Variants in EML5 observed in about 807,000 individuals in gnomAD.
EML5 encodes EMAP like 5.
Under a neutral mutation model 250.0 loss-of-function variants are expected in EML5, and 120 were observed. The ratio of observed to expected loss-of-function variants is 0.48; its 90% CI spans 0.41 to 0.56. The LOEUF is 0.56. EML5 is among the 20% of genes least tolerant of loss of function. The probability of loss-of-function intolerance (pLI) is 0.00; values close to 1 mark genes in which losing one functional copy is unlikely to be tolerated. For missense variants in EML5, 2,006 were observed against 2,437.6 expected, an observed-to-expected ratio of 0.82 and a Z score of 3.73; for synonymous variants, 771 against 806.5, an observed-to-expected ratio of 0.96 and a Z score of 0.75.
At chr14:88,701,199 C>T (rs138609308) in intron 14 of EML5, among the ~76,000 whole-genome samples, 2 of 152,240 alleles carry the variant, frequency 1.3e-5, no homozygotes, top group African/African-American at 4.8e-5. Context: ...TGTCTGGAGA[C>T]ATTTTAGGTT....
intron 21 of EML5, among the ~76,000 whole-genome samples, chr14:88,665,887 T>A (rs1030539700): frequency 2.0e-5 from 3 of 151,778 alleles, no homozygotes; most frequent in African/African-American, 7.3e-5. Context: ...CAGCCTGGGT[T>A]ACAGAGTGAG....
chr14:88,728,715 TG>T (rs2093705984), intron 7 of EML5, among the ~76,000 whole-genome samples: 1 of 152,134 alleles, frequency 6.6e-6, no homozygotes, highest in African/African-American at 2.4e-5. Flanking sequence ...TTCAAACCTG[TG>T]TTGTTCAAGG....
At chr14:88,722,587 G>C (rs1000809321) in intron 8 of EML5, among the ~76,000 whole-genome samples, 17 of 152,088 alleles carry the variant, frequency 1.1e-4, no homozygotes, top group African/African-American at 3.9e-4. Context: ...CACAGGGAGA[G>C]GAAAAACACA....
At chr14:88,683,102 T>A (rs1220225634) in intron 20 of EML5, among the ~76,000 whole-genome samples, 1 of 152,274 alleles carries the variant, frequency 6.6e-6, no homozygotes. Context: ...TTAACTATTC[T>A]TGAATATTTT....
chr14:88,750,940 C>G (rs1318645515), intron 2 of EML5, among the ~76,000 whole-genome samples: 1 of 152,220 alleles, frequency 6.6e-6, no homozygotes, highest in Non-Finnish European at 1.5e-5. Context: ...AGGGGCACTG[C>G]TGTTCTTTCT....
At chr14:88,656,617 TA>T (rs199683965) in intron 27 of EML5, among the ~76,000 whole-genome samples, 1 of 151,722 alleles carries the variant, frequency 6.6e-6, no homozygotes, top group African/African-American at 2.4e-5. Context: ...AAAGTATAAT[TA>T]AAAAAAAGTG....
At chr14:88,632,757 G>C (rs2090509726) in intron 33 of EML5, among the ~76,000 whole-genome samples, 1 of 152,180 alleles carries the variant, frequency 6.6e-6, no homozygotes, top group African/African-American at 2.4e-5. Flanking sequence ...CTGAACACTT[G>C]CTTTCTTCAG....
At chr14:88,731,965 G>A (rs1418655616) in intron 7 of EML5, among the ~76,000 whole-genome samples, 1 of 152,120 alleles carries the variant, frequency 6.6e-6, no homozygotes, top group Non-Finnish European at 1.5e-5. Context: ...CTGGATATCA[G>A]CCCTTTGTCA....
At chr14:88,644,164 T>A (rs1186614619) in intron 30 of EML5, among the ~76,000 whole-genome samples, 1 of 152,182 alleles carries the variant, frequency 6.6e-6, no homozygotes, top group Non-Finnish European at 1.5e-5. Flanking sequence ...AAGCAAAAGA[T>A]CATTCACACA....
intron 1 of EML5, among the ~76,000 whole-genome samples, chr14:88,787,401 C>T (rs1005191528): frequency 1.3e-5 from 2 of 152,152 alleles, no homozygotes; most frequent in African/African-American, 4.8e-5. Flanking sequence ...TTCTTAATAG[C>T]TTCTAATAAT....
intron 5 of EML5, 66 bp downstream of exon 5, chr14:88,740,321 T>G: frequency 7.4e-7 from 1 of 1,353,820 alleles, no homozygotes; most frequent in South Asian, 1.6e-5. Context: ...TATTACGCAG[T>G]CTATCATTCT....
chr14:88,677,351 T>C (rs2092618433), intron 21 of EML5, among the ~76,000 whole-genome samples: 1 of 152,102 alleles, frequency 6.6e-6, no homozygotes, highest in Admixed American at 6.5e-5. Flanking sequence ...ATAAAAACCC[T>C]AGAAGAAAAT....
intron 21 of EML5, among the ~76,000 whole-genome samples, chr14:88,669,168 T>G (rs1035276368): frequency 6.6e-6 from 1 of 152,184 alleles, no homozygotes; most frequent in African/African-American, 2.4e-5. Flanking sequence ...TCTGTGCAAC[T>G]GGTGGATCAG....
intron 29 of EML5, among the ~76,000 whole-genome samples, chr14:88,645,568 T>C (rs1408369662): frequency 6.6e-6 from 1 of 152,212 alleles, no homozygotes; most frequent in African/African-American, 2.4e-5. Context: ...TCCACACTGT[T>C]AGCAACATAA....
intron 31 of EML5, among the ~76,000 whole-genome samples, chr14:88,641,321 G>A (rs2091053489): frequency 6.6e-6 from 1 of 151,802 alleles, no homozygotes. Flanking sequence ...GAAAACTACA[G>A]GCCAATATTC....
intron 1 of EML5, among the ~76,000 whole-genome samples, chr14:88,770,574 G>C (rs1341558444): frequency 6.6e-6 from 1 of 152,076 alleles, no homozygotes; most frequent in Non-Finnish European, 1.5e-5. Flanking sequence ...GATTAATATT[G>C]GATAGGAGCT....
intron 21 of EML5, among the ~76,000 whole-genome samples, chr14:88,678,656 G>T (rs10438197): frequency 0.11 from 16,867 of 152,008 alleles, 1,032 homozygotes; most frequent in African/African-American, 0.14. Context: ...AAAAAAATCT[G>T]ATCTCTGAAT....
chr14:88,630,570 T>C (rs894459693), intron 33 of EML5, among the ~76,000 whole-genome samples: 1 of 152,182 alleles, frequency 6.6e-6, no homozygotes, highest in African/African-American at 2.4e-5. Context: ...GTGATAATAC[T>C]GCCTCCACTC....
Position 88,613,392 on chromosome 14 carries a change from A to C in EML5, c.*2426T>G, listed in dbSNP as rs923502200. 6.6e-6 allele frequency: 1 copy of C among 151,918 alleles called. No homozygotes were observed. The highest frequency in any genetic ancestry group is 2.4e-5 in the African/African-American group (1 of 41,208). The allele number at this position is 151,918 out of a possible 1,614,324, so 9.4% of individuals were successfully genotyped here. On this transcript the variant is annotated 3_prime_UTR_variant, in exon 44 of 44. Coordinates refer to ENST00000554922, the MANE Select transcript of EML5 (RefSeq NM_183387.3). Reference sequence around the variant, plus strand: ...TAAATATCTGGAAATACTTTTAGCTATCATTTATAAAGATAGTTTTGTTCT... The same window carrying C: ...TAAATATCTGGAAATACTTTTAGCTCTCATTTATAAAGATAGTTTTGTTCT...
Sources: allele counts gnomAD v4.1 joint callset (sites outside exome capture counted in the v4.1 genomes callset), GRCh38; gene constraint gnomAD v4.1.1; transcripts MANE v1.5; gene names NCBI Gene and HGNC (gene_info 2026-07-23, HGNC 2026-07-21).